Variants in PAK6 observed in about 807,000 individuals in gnomAD.
The protein encoded by PAK6 is serine/threonine-protein kinase PAK 6.
PAK6 carries 33 observed loss-of-function variants against 60.8 expected under a neutral mutation model. The ratio of observed to expected loss-of-function variants is 0.54; its 90% CI spans 0.41 to 0.73. PAK6 has a LOEUF of 0.73. PAK6 is among the 30% of genes least tolerant of loss of function. The pLI is 0.00. For synonymous variants in PAK6, 404 were observed against 378.5 expected, an observed-to-expected ratio of 1.07 and a Z score of -0.78; for missense variants, 845 against 904.1, an observed-to-expected ratio of 0.93 and a Z score of 0.84.
At chr15:40,272,706 G>A (rs1370307668) in exon 6 of PAK6, 2 of 1,591,574 alleles carry the variant, frequency 1.3e-6, no homozygotes, top group South Asian at 1.1e-5. Context: ...AGCGCAGGGA[G>A]CTGCTCTTCA....
chr15:40,273,579 C>T lies in PAK6; in HGVS notation c.1646C>T (p.Ala549Val), dbSNP rs751617316. 5.0e-6 allele frequency: 8 copies of T among 1,614,056 alleles called. 1 individual carries two copies. In the South Asian group the frequency reaches 8.8e-5, roughly 18 times the overall value. ...AAGCTCTCGGACTTCGGATTCTGTGCTCAGATCAGCAAAGACGTCCCTAAG... is the reference window on the plus strand; with the variant it reads ...AAGCTCTCGGACTTCGGATTCTGTGTTCAGATCAGCAAAGACGTCCCTAAG... The change falls in exon 9 of 11, where the codon GCT becomes GTT. Residue 549 changes from alanine to valine, a missense_variant. Transcript: ENST00000560346.
intron 3 of PAK6, among the ~76,000 whole-genome samples, chr15:40,258,033 T>C (rs2038886228): frequency 6.6e-6 from 1 of 152,160 alleles, no homozygotes; most frequent in African/African-American, 2.4e-5. Context: ...TTCTGTAGCT[T>C]TTCCTAGATG....
chr15:40,265,120 C>A (rs187488424), intron 4 of PAK6, 131 bp downstream of exon 4: 2 of 836,456 alleles, frequency 2.4e-6, no homozygotes, highest in Admixed American at 5.9e-5. Flanking sequence ...TGTTTTAACT[C>A]CCTGCCTGTC....
At chr15:40,272,194 C>G in intron 5 of PAK6, 30 bp from the exon 6 acceptor site, 1 of 1,588,922 alleles carries the variant, frequency 6.3e-7, no homozygotes, top group South Asian at 1.2e-5. Context: ...TCCCACAGCC[C>G]TGACCCTTCC....
intron 3 of PAK6, among the ~76,000 whole-genome samples, chr15:40,257,379 G>C (rs2038865656): frequency 6.6e-6 from 1 of 152,236 alleles, no homozygotes; most frequent in Non-Finnish European, 1.5e-5. Flanking sequence ...AATCCCTTCG[G>C]TGGGCTGTGT....
Position 40,274,412 on chromosome 15 carries a change from C to T in PAK6, c.1878+136C>T, listed in dbSNP as rs2039393004. The T allele has an allele frequency of 1.5e-5, 14 of 928,728 alleles. No individual in the cohort carries two copies. In the South Asian group the frequency reaches 1.9e-4, roughly 13 times the overall value. 57.5% of individuals were successfully genotyped at this position (928,728 alleles called of 1,614,324 possible). ...CTCCTGGAAAAGGCTCCTCTTTCCCCACACAAAACCCGCACCTGGGTGTGG... is the reference window on the plus strand; with the variant it reads ...CTCCTGGAAAAGGCTCCTCTTTCCCTACACAAAACCCGCACCTGGGTGTGG... On this transcript the variant is annotated intron_variant, in intron 10 of 10. Transcript: ENST00000560346.
intron 1 of PAK6, 92 bp from the exon 2 acceptor site, chr15:40,240,507 C>A: frequency 2.6e-6 from 1 of 389,592 alleles, no homozygotes; most frequent in South Asian, 2.0e-5. Context: ...ACAATACCAA[C>A]CAGGAGCCTT....
chr15:40,273,245 C>A, intron 7 of PAK6, 101 bp from the exon 8 acceptor site: 1 of 1,391,738 alleles, frequency 7.2e-7, no homozygotes, highest in Non-Finnish European at 9.9e-7. Flanking sequence ...TGCCTGGGAG[C>A]TGTGGGGCCT....
chr15:40,266,003 G>C (rs760433390), exon 5 of PAK6: 2 of 1,601,002 alleles, frequency 1.2e-6, no homozygotes, highest in Non-Finnish European at 1.7e-6. Context: ...ATGAGCACTG[G>C]GCCACCGACC....
chr15:40,252,633 G>C, intron 2 of PAK6: 1 of 1,336,516 alleles, frequency 7.5e-7, no homozygotes, highest in Non-Finnish European at 9.9e-7. Flanking sequence ...TCCCTCCCGC[G>C]GAGGGCGGGC....
At chr15:40,252,733 G>T in intron 2 of PAK6, 1 of 1,302,892 alleles carries the variant, frequency 7.7e-7, no homozygotes, top group Non-Finnish European at 1.0e-6. Context: ...GCGAGAGGAC[G>T]GGCCTCCCAA....
chr15:40,274,039 G>C (rs983854347), intron 9 of PAK6, 103 bp from the exon 10 acceptor site: 2 of 1,377,224 alleles, frequency 1.5e-6, no homozygotes, highest in African/African-American at 1.4e-5. Context: ...CCACCAAGGA[G>C]AGCTGGGGCC....
At chr15:40,255,119 C>T (rs1255021158) in intron 3 of PAK6, among the ~76,000 whole-genome samples, 1 of 152,192 alleles carries the variant, frequency 6.6e-6, no homozygotes, top group Non-Finnish European at 1.5e-5. Context: ...GGTTCCAATG[C>T]TTAGCATAGG....
chr15:40,269,917 G>C (rs1220703794), intron 5 of PAK6, among the ~76,000 whole-genome samples: 1 of 152,224 alleles, frequency 6.6e-6, no homozygotes, highest in Non-Finnish European at 1.5e-5. Context: ...AGTAGAGCTG[G>C]CCCATGCAGA....
Position 40,268,057 on chromosome 15 carries a change from C to T in PAK6, c.858+1562C>T, listed in dbSNP as rs543775591. 2.7e-4 allele frequency among the ~76,000 whole-genome samples: 41 copies of T among 152,306 alleles called. No homozygotes were observed. The East Asian group carries it at 6.9e-3, about 26-fold the overall frequency. On this transcript the variant is annotated intron_variant, in intron 5 of 10. Coordinates refer to ENST00000560346, the Ensembl canonical transcript of PAK6. ...CCCTGCACAATGTACTGAGTACTCA[C>T]CATGGGCCACTGCTGCTGGGTATGC...
chr15:40,272,477 C>A, exon 6 of PAK6: 5 of 1,613,846 alleles, frequency 3.1e-6, no homozygotes, highest in Non-Finnish European at 4.2e-6. Flanking sequence ...CAGGACCCCA[C>A]GGTTGCCAAG....
intron 5 of PAK6, among the ~76,000 whole-genome samples, chr15:40,267,629 A>G (rs1328387729): frequency 6.6e-6 from 1 of 152,190 alleles, no homozygotes; most frequent in Non-Finnish European, 1.5e-5. Flanking sequence ...ACTGCACTCC[A>G]GCCTGGGGGA....
chr15:40,253,226 G>C (rs1308183386), exon 3 of PAK6: 2 of 455,992 alleles, frequency 4.4e-6, no homozygotes, highest in African/African-American at 4.0e-5. Flanking sequence ...CCTCTCCTCA[G>C]CGCCTAAGAG....
chr15:40,276,159 G>A (rs1012840108), exon 11 of PAK6: 25 of 1,486,578 alleles, frequency 1.7e-5, no homozygotes, highest in African/African-American at 2.8e-5. Context: ...CCAGCCTGCC[G>A]GCAGGACTTG....
Sources: gnomAD v4.1 joint callset for allele counts (sites outside exome capture counted in the v4.1 genomes callset) on GRCh38, gnomAD v4.1.1 for gene constraint, MANE v1.5 for transcripts, NCBI Gene and HGNC (gene_info 2026-07-23, HGNC 2026-07-21) for gene names.